DNAH3: variants seen among roughly 807,000 people sequenced by gnomAD.
DNAH3 encodes the protein dynein axonemal heavy chain 3, also known as axonemal beta dynein heavy chain 3.
In DNAH3, 332 loss-of-function variants were observed where a neutral mutation model predicts 432.5. That is an observed-to-expected ratio of 0.77 (90% CI 0.70 to 0.84). The LOEUF is 0.84. DNAH3 is among the 40% of genes least tolerant of loss of function. The pLI, the probability that DNAH3 is intolerant of heterozygous loss-of-function variation, is 0.00. For synonymous variants in DNAH3, 1,956 were observed against 1,900.2 expected, an observed-to-expected ratio of 1.03 and a Z score of -0.76; for missense variants, 4,861 against 5,114.0, an observed-to-expected ratio of 0.95 and a Z score of 1.51.
rs542342494 is a variant in DNAH3, at chr16:20,955,765, C to A, written c.10827-708G>T. 1.3e-4 allele frequency among the ~76,000 whole-genome samples: 20 copies of A among 152,030 alleles called. No individual in the cohort carries two copies. The South Asian group carries it at 3.9e-3, about 30-fold the overall frequency. On this transcript the variant is annotated intron_variant, in intron 54 of 61. Transcript: ENST00000261383. ...GTGCCTTGAAAAATAGGGAGAAATT[C>A]TTTTTTAAATGCAAGTGTATCTATG...
chr16:20,988,597 G>A (rs904973015), intron 44 of DNAH3, among the ~76,000 whole-genome samples: 2 of 152,042 alleles, frequency 1.3e-5, no homozygotes, highest in Admixed American at 6.6e-5. Context: ...GAGACACCGC[G>A]CCCAGCCTCA....
At chr16:21,139,776 C>CTTT (rs71275930) in intron 5 of DNAH3, among the ~76,000 whole-genome samples, 8,315 of 86,114 alleles carry the variant, frequency 0.097, 997 homozygotes, top group African/African-American at 0.21. Context: ...CCACCTCATT[C>CTTT]TTTTTTTTTT....
chr16:21,053,719 G>A (rs2090036494), intron 28 of DNAH3, among the ~76,000 whole-genome samples: 1 of 152,142 alleles, frequency 6.6e-6, no homozygotes, highest in Non-Finnish European at 1.5e-5. Context: ...CTGGGAGTGT[G>A]AGCAAGAGAC....
At chr16:20,948,735 C>A in intron 56 of DNAH3, 98 bp from the exon 57 acceptor site, 1 of 1,350,974 alleles carries the variant, frequency 7.4e-7, no homozygotes, top group South Asian at 1.3e-5. Context: ...CCAAAGATCT[C>A]TGCTGGGACA....
At chr16:21,113,416 A>G (rs2092117395) in intron 12 of DNAH3, among the ~76,000 whole-genome samples, 3 of 152,172 alleles carry the variant, frequency 2.0e-5, no homozygotes, top group Admixed American at 1.3e-4. Flanking sequence ...CCTCAATCCA[A>G]TCAAGTTGAC....
chr16:21,120,102 C>T (rs1480566638), intron 11 of DNAH3, among the ~76,000 whole-genome samples: 3 of 128,114 alleles, frequency 2.3e-5, no homozygotes, highest in Non-Finnish European at 3.1e-5. Context: ...TTTTCCCTAC[C>T]AACTTTTTTT....
intron 8 of DNAH3, 73 bp downstream of exon 9, chr16:21,127,614 C>A (rs1316463201): frequency 1.3e-6 from 2 of 1,556,382 alleles, no homozygotes; most frequent in African/African-American, 2.8e-5. Context: ...AGGCTGGGTA[C>A]CAGCTTCATT....
intron 18 of DNAH3, among the ~76,000 whole-genome samples, chr16:21,093,877 T>C (rs1018609863): frequency 1.3e-5 from 2 of 152,128 alleles, no homozygotes; most frequent in African/African-American, 4.8e-5. Flanking sequence ...GACAATGAAC[T>C]TGAACTAAGC....
intron 20 of DNAH3, among the ~76,000 whole-genome samples, chr16:21,079,334 T>C (rs1192992712): frequency 6.6e-6 from 1 of 152,090 alleles, no homozygotes; most frequent in Non-Finnish European, 1.5e-5. Context: ...GATGGATAAA[T>C]GTGTTAAGGT....
intron 27 of DNAH3, among the ~76,000 whole-genome samples, chr16:21,057,698 G>A (rs986614643): frequency 2.0e-5 from 3 of 152,110 alleles, no homozygotes; most frequent in Non-Finnish European, 2.9e-5. Flanking sequence ...GGGTTCATTC[G>A]GGAGGGAGTA....
At chr16:21,018,118 C>A (rs2087956742) in intron 41 of DNAH3, among the ~76,000 whole-genome samples, 2 of 152,080 alleles carry the variant, frequency 1.3e-5, no homozygotes. Flanking sequence ...TGATATAAAT[C>A]TTACAATGAA....
chr16:21,102,433 C>T (rs142425512), intron 16 of DNAH3, among the ~76,000 whole-genome samples: 1 of 152,294 alleles, frequency 6.6e-6, no homozygotes, highest in Non-Finnish European at 1.5e-5. Context: ...TTTCTCCCCA[C>T]AGAGGTCCCT....
At chr16:20,946,962 C>A (rs973943453) in intron 57 of DNAH3, among the ~76,000 whole-genome samples, 1 of 151,062 alleles carries the variant, frequency 6.6e-6, no homozygotes, top group Non-Finnish European at 1.5e-5. Context: ...GTAGTTGGGA[C>A]TACAAGTGCA....
chr16:20,979,203 C>T, intron 50 of DNAH3, 127 bp downstream of exon 50: 2 of 771,932 alleles, frequency 2.6e-6, no homozygotes, highest in Non-Finnish European at 4.3e-6. Flanking sequence ...GTAAGGTAAG[C>T]TCTGCAAATG....
At position 21,127,952 on chromosome 16, in the gene DNAH3, T is replaced by C. The variant is rs981353844; in HGVS notation, c.1083-140A>G. 4.7e-6 allele frequency: 5 copies of C among 1,068,206 alleles called. 1 individual carries two copies. Among genetic ancestry groups the C allele is most frequent in the South Asian group, 3.0e-5 (2 of 67,792 alleles). The allele number at this position is 1,068,206 out of a possible 1,614,324, so 66.2% of individuals were successfully genotyped here. On this transcript the variant is annotated intron_variant, in intron 7 of 61. Coordinates refer to ENST00000261383, the Ensembl canonical transcript of DNAH3. ...AATGAATTACAGGATATGGGAAAGA[T>C]GCTGAGGAGGATATGGGAGGCTGAG...
At chr16:20,971,510 C>T (rs7189852) in intron 51 of DNAH3, among the ~76,000 whole-genome samples, 51,421 of 151,972 alleles carry the variant, frequency 0.34, 8,942 homozygotes, top group South Asian at 0.46. Context: ...ACCGGTTTCT[C>T]CTCCTCCCTG....
chr16:21,047,925 G>A (rs371785256), intron 31 of DNAH3, among the ~76,000 whole-genome samples: 47 of 151,814 alleles, frequency 3.1e-4, no homozygotes, highest in Admixed American at 4.6e-4. Context: ...GTCTGTTGGA[G>A]TACCCTGCCG....
At chr16:20,981,617 C>T (rs746494836) in intron 49 of DNAH3, among the ~76,000 whole-genome samples, 8 of 152,040 alleles carry the variant, frequency 5.3e-5, no homozygotes, top group South Asian at 2.1e-4. Context: ...CTCAGCTACT[C>T]GGGAGGCTGA....
At chr16:20,984,593 G>A (rs895944007) in intron 48 of DNAH3, among the ~76,000 whole-genome samples, 20 of 152,154 alleles carry the variant, frequency 1.3e-4, no homozygotes, top group African/African-American at 4.6e-4. Flanking sequence ...TTCAGGGTCC[G>A]GCACGGTGGC....
Sources: allele counts gnomAD v4.1 joint callset (sites outside exome capture counted in the v4.1 genomes callset), GRCh38; gene constraint gnomAD v4.1.1; transcripts MANE v1.5; gene names NCBI Gene and HGNC (gene_info 2026-07-23, HGNC 2026-07-21).